Variants in TLL1 observed in about 807,000 individuals in gnomAD.
TLL1 encodes tolloid-like protein 1.
A neutral mutation model predicts 128.2 loss-of-function variants in TLL1; 49 were observed. The ratio of observed to expected loss-of-function variants is 0.38; its 90% CI spans 0.30 to 0.48. The LOEUF is 0.48. TLL1 is among the 20% of genes least tolerant of loss of function. The pLI is 0.96. For missense variants in TLL1, 1,123 were observed against 1,242.0 expected (o/e 0.90, Z 1.44); for synonymous variants, 454 against 418.8 (o/e 1.08, Z -1.03).
At chr4:166,064,477 T>C (rs1038627058) in intron 15 of TLL1, among the ~76,000 whole-genome samples, 1 of 152,136 alleles carries the variant, frequency 6.6e-6, no homozygotes, top group Non-Finnish European at 1.5e-5. Flanking sequence ...ATTCATAGAA[T>C]GGCTGTTTAC....
At chr4:166,053,801 T>C (rs1739871741) in intron 12 of TLL1, among the ~76,000 whole-genome samples, 1 of 152,146 alleles carries the variant, frequency 6.6e-6, no homozygotes, top group African/African-American at 2.4e-5. Flanking sequence ...ATTGACAACA[T>C]TTGATACTTT....
chr4:166,098,190 C>T (rs183462788), intron 19 of TLL1, among the ~76,000 whole-genome samples: 2 of 151,992 alleles, frequency 1.3e-5, no homozygotes, highest in Admixed American at 1.3e-4. Context: ...AAAACATTAG[C>T]CACATGTGGT....
rs1488981773 is a variant in TLL1, at chr4:166,103,216, A to AT, written c.*2346dup. ...CAATCTCGACCTATATAAATAGTAG[A>AT]TTTTTTATGGTGAAACTTTCCCACA... is the stretch of plus-strand genomic sequence containing the variant. On this transcript the variant is annotated 3_prime_UTR_variant, in exon 21 of 21. Transcript: ENST00000061240. 2 of 151,846 alleles carry AT rather than the reference A, an allele frequency of 1.3e-5. No homozygotes were observed. The highest frequency in any genetic ancestry group is 4.8e-5 in the African/African-American group (2 of 41,412). The allele number at this position is 151,846 out of a possible 1,614,324, so 9.4% of individuals were successfully genotyped here.
chr4:166,077,449 A>G (rs527408184), intron 17 of TLL1, among the ~76,000 whole-genome samples: 72 of 152,310 alleles, frequency 4.7e-4, no homozygotes, highest in Middle Eastern at 3.4e-3. Flanking sequence ...ATGTAAATAC[A>G]TGATTCATAA....
chr4:166,071,769 A>G (rs899994100), intron 16 of TLL1, among the ~76,000 whole-genome samples: 1 of 151,946 alleles, frequency 6.6e-6, no homozygotes, highest in Non-Finnish European at 1.5e-5. Context: ...TAAATAGGAA[A>G]TCTATAATAT....
chr4:166,089,626 G>T (rs190220586), intron 18 of TLL1, among the ~76,000 whole-genome samples: 2 of 152,190 alleles, frequency 1.3e-5, no homozygotes, highest in Admixed American at 1.3e-4. Flanking sequence ...ATTTCCCTAC[G>T]CTGTCTTCTC....
At chr4:166,074,673 C>T (rs1196872720) in intron 16 of TLL1, among the ~76,000 whole-genome samples, 11 of 152,078 alleles carry the variant, frequency 7.2e-5, no homozygotes, top group Non-Finnish European at 1.5e-4. Flanking sequence ...GTCTTGGAAA[C>T]TTGATTCATG....
At chr4:165,885,816 A>G (rs1439197723) in intron 1 of TLL1, among the ~76,000 whole-genome samples, 1 of 152,182 alleles carries the variant, frequency 6.6e-6, no homozygotes, top group African/African-American at 2.4e-5. Context: ...GAAGAACTAT[A>G]GGCAACAAAA....
At chr4:166,008,138 TAC>T in intron 7 of TLL1, 90 bp downstream of exon 7, 1 of 882,988 alleles carries the variant, frequency 1.1e-6, no homozygotes, top group Non-Finnish European at 1.9e-6. Flanking sequence ...GAACTAGAAT[TAC>T]TTTCAAATAT....
intron 1 of TLL1, among the ~76,000 whole-genome samples, chr4:165,931,998 G>T (rs1300078357): frequency 2.0e-5 from 3 of 152,174 alleles, no homozygotes; most frequent in African/African-American, 7.2e-5. Flanking sequence ...TTGCTGGAAA[G>T]CCAGGTGATG....
At chr4:166,058,590 G>T (rs1051527288) in intron 14 of TLL1, among the ~76,000 whole-genome samples, 1 of 151,664 alleles carries the variant, frequency 6.6e-6, no homozygotes, top group Non-Finnish European at 1.5e-5. Flanking sequence ...TATTTTCCCT[G>T]CCTCCACCCT....
chr4:165,891,306 T>A (rs2110831687), intron 1 of TLL1, among the ~76,000 whole-genome samples: 1 of 132,576 alleles, frequency 7.5e-6, no homozygotes, highest in African/African-American at 2.9e-5. Flanking sequence ...GCAAATTTCT[T>A]CAGCTGGATG....
intron 19 of TLL1, among the ~76,000 whole-genome samples, chr4:166,098,425 T>G (rs1742128812): frequency 6.6e-6 from 1 of 151,046 alleles, no homozygotes; most frequent in Non-Finnish European, 1.5e-5. Flanking sequence ...TAAATTATAC[T>G]AACTAAAAGG....
rs374601358 is a variant in TLL1, at chr4:166,025,444, G to A, written c.1158+13G>A. On this transcript the variant is annotated intron_variant, in intron 9 of 20. Transcript: ENST00000061240. Reference sequence around the variant, plus strand: ...CCCAGGGGAGAAGGTAGTTTATACCGTCAAGCCCACTATTTTATTCTTATA... The same window carrying A: ...CCCAGGGGAGAAGGTAGTTTATACCATCAAGCCCACTATTTTATTCTTATA... 3.2e-5 allele frequency: 49 copies of A among 1,545,090 alleles called. No individual in the cohort carries two copies. Among genetic ancestry groups the A allele is most frequent in the African/African-American group, 2.7e-4 (20 of 73,414 alleles).
At chr4:166,073,684 T>A (rs957619552) in intron 16 of TLL1, among the ~76,000 whole-genome samples, 1 of 152,160 alleles carries the variant, frequency 6.6e-6, no homozygotes, top group South Asian at 2.1e-4. Flanking sequence ...AGCACATGTG[T>A]CATGTAATCC....
chr4:165,991,306 G>T (rs990247520), intron 2 of TLL1, among the ~76,000 whole-genome samples: 5 of 151,926 alleles, frequency 3.3e-5, no homozygotes, highest in African/African-American at 7.2e-5. Flanking sequence ...AAATTTTTCT[G>T]TGGAAGGTAC....
At chr4:166,074,678 T>C (rs1484897523) in intron 16 of TLL1, among the ~76,000 whole-genome samples, 200 bp from the exon 17 acceptor site, 1 of 152,156 alleles carries the variant, frequency 6.6e-6, no homozygotes, top group African/African-American at 2.4e-5. Flanking sequence ...GGAAACTTGA[T>C]TCATGGTACA....
chr4:165,884,203 G>A (rs1731080655), intron 1 of TLL1, among the ~76,000 whole-genome samples: 1 of 152,168 alleles, frequency 6.6e-6, no homozygotes, highest in African/African-American at 2.4e-5. Context: ...GTAGATGATT[G>A]CTCATGTGTA....
rs959725207 is a variant in TLL1 at position 166,005,058 on chromosome 4, T to A, written c.811+1489T>A. Among the ~76,000 whole-genome samples the A allele has an allele frequency of 2.0e-5, 3 of 152,094 alleles. No individual in the cohort carries two copies. In the South Asian group the frequency reaches 6.2e-4, roughly 31 times the overall value. ...CATCAAGAGGAAGAAGAGGAAATAG[T>A]CTTTCAAAAATATTTTAAGAGGAAT... On this transcript the variant is annotated intron_variant, in intron 6 of 20. Transcript: ENST00000061240.
Sources: allele counts gnomAD v4.1 joint callset (sites outside exome capture counted in the v4.1 genomes callset), GRCh38; gene constraint gnomAD v4.1.1; transcripts MANE v1.5; gene names NCBI Gene and HGNC (gene_info 2026-07-23, HGNC 2026-07-21).